Variants in FGD5 observed in about 807,000 individuals in gnomAD.
FGD5 encodes the protein FYVE, RhoGEF and PH domain-containing protein 5.
FGD5 carries 28 observed loss-of-function variants against 133.4 expected under a neutral mutation model. The ratio of observed to expected loss-of-function variants is 0.21; its 90% CI spans 0.16 to 0.29. The LOEUF (loss-of-function observed/expected upper bound fraction) is 0.29. Ranked by LOEUF, FGD5 falls within the 10% of genes least tolerant of loss-of-function variation. FGD5 has a pLI of 1.00. For synonymous variants in FGD5, 810 were observed against 776.5 expected, an observed-to-expected ratio of 1.04 and a Z score of -0.72; for missense variants, 1,858 against 1,895.2, an observed-to-expected ratio of 0.98 and a Z score of 0.36.
chr3:14,837,477 T>C (rs968317860), intron 1 of FGD5, among the ~76,000 whole-genome samples: 1 of 151,990 alleles, frequency 6.6e-6, no homozygotes, highest in African/African-American at 2.4e-5. Context: ...CTGGGGGGGA[T>C]GTATTTGGAT....
At chr3:14,842,040 G>A (rs1374488297) in intron 1 of FGD5, among the ~76,000 whole-genome samples, 1 of 152,218 alleles carries the variant, frequency 6.6e-6, no homozygotes, top group Non-Finnish European at 1.5e-5. Flanking sequence ...TTGGGCAGCT[G>A]CAGCTTTCTG....
intron 2 of FGD5, among the ~76,000 whole-genome samples, chr3:14,879,731 A>G (rs1305724920): frequency 2.6e-5 from 4 of 152,154 alleles, no homozygotes; most frequent in African/African-American, 9.7e-5. Flanking sequence ...ATGCTCAGAA[A>G]CGATACCTAG....
chr3:14,869,465 A>G (rs2037563133), intron 2 of FGD5, among the ~76,000 whole-genome samples: 1 of 152,228 alleles, frequency 6.6e-6, no homozygotes, highest in South Asian at 2.1e-4. Flanking sequence ...CCACCATCGT[A>G]ACCATTTTTA....
At chr3:14,932,761 T>C in intron 19 of FGD5, 30 bp downstream of exon 19, 7 of 1,600,310 alleles carry the variant, frequency 4.4e-6, no homozygotes, top group Non-Finnish European at 5.1e-6. Flanking sequence ...GTCTTATAGC[T>C]TTTTGTTCTC....
intron 2 of FGD5, among the ~76,000 whole-genome samples, chr3:14,871,192 CCTCTGTTTT>C (rs1236891051): frequency 2.6e-5 from 4 of 152,216 alleles, no homozygotes; most frequent in Non-Finnish European, 4.4e-5. Flanking sequence ...GTTCTTCATT[CCTCTGTTTT>C]CTTGCCCATC....
Position 14,820,393 on chromosome 3 carries a change from C to T in FGD5, c.1322C>T (p.Ala441Val), listed in dbSNP as rs1318248414. The part of the protein sequence containing the change: ...VMGVGLPGQA[A>V]PGEGGQAASD... The stretch of plus-strand genomic sequence containing the variant: ...GGAGTGGGCCTGCCCGGTCAGGCGG[C>T]CCCTGGAGAAGGAGGGCAGGCTGCA... Residue 441 changes from alanine (A) to valine (V), a missense_variant, in exon 1 of 20, where the codon GCC (alanine) becomes GTC (valine). Around this residue, in one of 3 missense-constraint regions of FGD5, gnomAD observed 1,824 missense variants for 1,848.9 expected, o/e 0.99. Coordinates refer to ENST00000285046, the MANE Select transcript of FGD5 (RefSeq NM_152536.4). 5 of 1,613,866 alleles carry T rather than the reference C, an allele frequency of 3.1e-6. No homozygotes were observed. The highest frequency in any genetic ancestry group is 3.3e-5 in the Admixed American group (2 of 60,006).
At chr3:14,826,832 A>G (rs947359992) in intron 1 of FGD5, among the ~76,000 whole-genome samples, 2 of 152,144 alleles carry the variant, frequency 1.3e-5, no homozygotes, top group African/African-American at 2.4e-5. Flanking sequence ...AGGGCTTTAC[A>G]TCACATCAGT....
At chr3:14,810,948 G>T in intron 1 of FGD5, 1 of 970,200 alleles carries the variant, frequency 1.0e-6, no homozygotes, top group Non-Finnish European at 1.2e-6. Context: ...CTCCCGGGGA[G>T]CCCGGGGCTA....
At chr3:14,833,283 A>C (rs2036753237) in intron 1 of FGD5, among the ~76,000 whole-genome samples, 1 of 152,176 alleles carries the variant, frequency 6.6e-6, no homozygotes, top group Admixed American at 6.5e-5. Context: ...AAACAGACCC[A>C]TTCTCTGCAT....
At position 14,844,216 on chromosome 3, in the gene FGD5, AAATATATATATATATATATATAT is replaced by A. The variant is rs1404695163; in HGVS notation, c.2526-19910_2526-19888del. ...TCTTAATAGGCATTAAAAAAAAAAAAAATATATATATATATATATATATATATATATATATATATATATATATA... is the reference window on the plus strand; with the variant it reads ...TCTTAATAGGCATTAAAAAAAAAAAAATATATATATATATATATATATATA... On this transcript the variant is annotated intron_variant, in intron 1 of 19. Transcript: ENST00000285046. Among the ~76,000 whole-genome samples, 19 of 30,376 alleles carry A rather than the reference AAATATATATATATATATATATAT, an allele frequency of 6.3e-4. 3 individuals carry two copies. Among genetic ancestry groups the A allele is most frequent in the South Asian group, 5.1e-3 (4 of 786 alleles). The allele number at this position is 30,376 out of a possible 152,430, so 19.9% of individuals were successfully genotyped here.
At position 14,881,838 on chromosome 3, in the gene FGD5, G is replaced by A. The variant is rs549721442; in HGVS notation, c.2748+1066G>A. Reference sequence around the variant, plus strand: ...TCCTGGCTCCCAGGCCACTCCCCTCGCATTCACTGGGTGTTCCTGGCTGCC... The same window carrying A: ...TCCTGGCTCCCAGGCCACTCCCCTCACATTCACTGGGTGTTCCTGGCTGCC... On this transcript the variant is annotated intron_variant, in intron 4 of 19. Transcript: ENST00000285046. 5.3e-5 allele frequency among the ~76,000 whole-genome samples: 8 copies of A among 152,292 alleles called. No individual in the cohort carries two copies. The East Asian group carries it at 5.8e-4, about 11-fold the overall frequency.
At chr3:14,915,641 C>T (rs1235649595) in intron 11 of FGD5, among the ~76,000 whole-genome samples, 1 of 151,982 alleles carries the variant, frequency 6.6e-6, no homozygotes, top group African/African-American at 2.4e-5. Context: ...GTCCGGGGCT[C>T]ACCCTAGTTC....
intron 13 of FGD5, among the ~76,000 whole-genome samples, chr3:14,921,039 A>AG (rs1201809912): frequency 6.6e-6 from 1 of 152,114 alleles, no homozygotes; most frequent in Non-Finnish European, 1.5e-5. Context: ...CCATGACTTG[A>AG]GGGTGGTGAC....
At chr3:14,889,030 C>T (rs144741097) in intron 4 of FGD5, among the ~76,000 whole-genome samples, 63 of 152,318 alleles carry the variant, frequency 4.1e-4, no homozygotes, top group African/African-American at 1.2e-3. Context: ...ACCATTGTTA[C>T]ACAGAAGTGA....
chr3:14,913,958 C>T (rs1444056159), intron 11 of FGD5, among the ~76,000 whole-genome samples: 1 of 152,152 alleles, frequency 6.6e-6, no homozygotes, highest in Non-Finnish European at 1.5e-5. Flanking sequence ...CCCCGTCTGG[C>T]ATGGCCCTTT....
chr3:14,930,822 C>G (rs2038889182), intron 18 of FGD5: 1 of 151,988 alleles, frequency 6.6e-6, no homozygotes, highest in Non-Finnish European at 1.5e-5. Flanking sequence ...ACATCTTATA[C>G]TTCTATTAAT....
At chr3:14,905,841 C>T (rs1413737196) in intron 9 of FGD5, among the ~76,000 whole-genome samples, 4 of 152,068 alleles carry the variant, frequency 2.6e-5, no homozygotes, top group Non-Finnish European at 5.9e-5. Flanking sequence ...TTGTGTTCCT[C>T]ATAACTTGTT....
chr3:14,910,801 C>G, intron 10 of FGD5, 60 bp from the exon 11 acceptor site: 3 of 1,537,512 alleles, frequency 2.0e-6, no homozygotes, highest in Non-Finnish European at 2.7e-6. Flanking sequence ...TCCCCTGCAC[C>G]CTTGTCTGGG....
At chr3:14,889,114 G>A (rs1045396929) in intron 4 of FGD5, among the ~76,000 whole-genome samples, 1 of 152,214 alleles carries the variant, frequency 6.6e-6, no homozygotes, top group African/African-American at 2.4e-5. Flanking sequence ...TTAACTTGGT[G>A]CTGAGGGCAG....
Sources: allele counts gnomAD v4.1 joint callset (sites outside exome capture counted in the v4.1 genomes callset), GRCh38; gene constraint gnomAD v4.1.1; regional missense constraint gnomAD v4.1.1; transcripts MANE v1.5; gene names NCBI Gene and HGNC (gene_info 2026-07-23, HGNC 2026-07-21).